AFF4: variants seen among roughly 807,000 people sequenced by gnomAD.
The protein encoded by AFF4 is ALF transcription elongation factor 4.
In AFF4, 13 loss-of-function variants were observed where a neutral mutation model predicts 124.8. That is an observed-to-expected ratio of 0.10 (90% CI 0.07 to 0.17). AFF4 has a LOEUF of 0.17. AFF4 is among the 10% of genes least tolerant of loss of function. AFF4 has a pLI of 1.00. For synonymous variants in AFF4, 477 were observed against 496.1 expected (o/e 0.96, Z 0.51); for missense variants, 1,092 against 1,403.8 (o/e 0.78, Z 3.55).
At chr5:132,943,567 G>T in intron 1 of AFF4, 1 of 180,520 alleles carries the variant, frequency 5.5e-6, no homozygotes, top group East Asian at 1.5e-4. Flanking sequence ...AGTGGAGACT[G>T]GTGTCAGCAT....
intron 17 of AFF4, among the ~76,000 whole-genome samples, 186 bp from the exon 18 acceptor site, chr5:132,886,589 GCTAAGAAGCCTAGGA>G (rs1760125052): frequency 6.6e-6 from 1 of 152,184 alleles, no homozygotes; most frequent in African/African-American, 2.4e-5. Flanking sequence ...GGGGAAGATG[GCTAAGAAGCCTAGGA>G]CTAGGCTCTC....
intron 1 of AFF4, among the ~76,000 whole-genome samples, chr5:132,948,291 C>T (rs1247987713): frequency 2.6e-5 from 4 of 152,104 alleles, no homozygotes; most frequent in Non-Finnish European, 4.4e-5. Context: ...CCTCATGATC[C>T]GCCCACCTCA....
intron 11 of AFF4, among the ~76,000 whole-genome samples, chr5:132,895,519 T>A (rs1030190025): frequency 7.9e-5 from 12 of 152,368 alleles, no homozygotes; most frequent in African/African-American, 2.9e-4. Flanking sequence ...GTTCACCTAC[T>A]CAAGCTTAAC....
At position 132,896,188 on chromosome 5, in the gene AFF4, C is replaced by T. The variant is rs182285484; in HGVS notation, c.2307+135G>A. ...CAAGAGACTGTTCCACATGTAGCCT[C>T]GCCTGGGCCTTGGGTTTACCCACTA... On this transcript the variant is annotated intron_variant, in intron 11 of 20. Coordinates refer to ENST00000265343, the MANE Select transcript of AFF4 (RefSeq NM_014423.4). 4.6e-4 allele frequency: 460 copies of T among 1,008,254 alleles called. 1 individual carries two copies. The highest frequency in any genetic ancestry group is 1.5e-3 in the Admixed American group (53 of 35,870). 62.5% of individuals were successfully genotyped at this position (1,008,254 alleles called of 1,614,324 possible). A position where few individuals can be genotyped will look rare whatever the true frequency, so the allele number is the denominator to read the frequency against.
chr5:132,880,905 G>A lies in AFF4; in HGVS notation c.*154C>T, dbSNP rs546506262. On this transcript the variant is annotated 3_prime_UTR_variant, in exon 21 of 21. Transcript: ENST00000265343. Reference sequence around the variant, plus strand: ...TATTAAAGGGCCAACTGACATGATCGCTTTGGATTATCAAAAACAACAACA... The same window carrying A: ...TATTAAAGGGCCAACTGACATGATCACTTTGGATTATCAAAAACAACAACA... 6 of 884,580 alleles carry A rather than the reference G, an allele frequency of 6.8e-6. No individual in the cohort carries two copies. The highest frequency in any genetic ancestry group is 6.7e-5 in the Admixed American group (2 of 30,002). 54.8% of individuals were successfully genotyped at this position (884,580 alleles called of 1,614,324 possible).
chr5:132,932,102 A>T, intron 4 of AFF4, 76 bp downstream of exon 4: 1 of 993,558 alleles, frequency 1.0e-6, no homozygotes, highest in Non-Finnish European at 1.5e-6. Context: ...TGTGAAATAC[A>T]GGTAGAAAGA....
rs1760411126 is a variant in AFF4 at position 132,896,737 on chromosome 5, C to T, written c.1893G>A (p.Lys631=). ...ATTTCTGGGAAGATTTACTTGTTGACTTATATTTCTTTTTCTCTGCTGTAG... is the reference window on the plus strand; with the variant it reads ...ATTTCTGGGAAGATTTACTTGTTGATTTATATTTCTTTTTCTCTGCTGTAG... The part of the protein sequence containing the change: ...PRPTAEKKKY[K]STSKSSQKSR... Residue 631 remains lysine, a synonymous_variant, in exon 11 of 21, where the codon AAG becomes AAA. Coordinates refer to ENST00000265343, the MANE Select transcript of AFF4 (RefSeq NM_014423.4). 6.2e-7 allele frequency: 1 copy of T among 1,614,136 alleles called. No individual in the cohort carries two copies. Among genetic ancestry groups the T allele is most frequent in the Non-Finnish European group, 8.5e-7 (1 of 1,180,018 alleles).
chr5:132,932,981 T>C (rs532066666), intron 3 of AFF4, among the ~76,000 whole-genome samples: 21 of 152,340 alleles, frequency 1.4e-4, no homozygotes, highest in Non-Finnish European at 1.6e-4. Context: ...TTTTAAATGT[T>C]TGCAAAACAG....
intron 1 of AFF4, chr5:132,944,906 G>A (rs1369174228): frequency 1.3e-5 from 2 of 149,938 alleles, no homozygotes; most frequent in African/African-American, 2.5e-5. Context: ...CTCCAGCCTG[G>A]GCAACAAGAG....
rs543771560 is a variant in AFF4, at chr5:132,941,718, A to G, written c.-4-4525T>C. 9.9e-5 allele frequency among the ~76,000 whole-genome samples: 15 copies of G among 152,052 alleles called. No homozygotes were observed. The South Asian group carries it at 2.9e-3, about 30-fold the overall frequency. On this transcript the variant is annotated intron_variant, in intron 1 of 20. Transcript: ENST00000265343. ...GGGGTTTTTTTTCGCACGCACAAGC[A>G]AGCAATTGGCCAGGCGCGGTGGCTC...
chr5:132,881,271 A>G (rs1581264886), intron 20 of AFF4, 85 bp from the exon 21 acceptor site: 1 of 1,432,212 alleles, frequency 7.0e-7, no homozygotes, highest in Non-Finnish European at 9.4e-7. Context: ...ATAAAACAGC[A>G]TTCATAAACT....
At chr5:132,886,230 T>C in intron 18 of AFF4, 80 bp downstream of exon 18, 1 of 1,223,106 alleles carries the variant, frequency 8.2e-7, no homozygotes, top group East Asian at 2.3e-5. Context: ...TGCATAAACA[T>C]GAGGGCAGTT....
chr5:132,950,470 T>C (rs1761816004), intron 1 of AFF4, among the ~76,000 whole-genome samples: 1 of 147,822 alleles, frequency 6.8e-6, no homozygotes, highest in African/African-American at 2.5e-5. Context: ...CGAAACTCCA[T>C]CTCAATAAAT....
Position 132,879,202 on chromosome 5 carries a change from A to G in AFF4, c.*1857T>C. On this transcript the variant is annotated 3_prime_UTR_variant, in exon 21 of 21. Transcript: ENST00000265343. ...AAAACAGTTAAGAAGCTCTATAAAT[A>G]TGAGGCCACAGGGACAATGAAAGTT... is the stretch of plus-strand genomic sequence containing the variant. The G allele has an allele frequency of 4.6e-6, 1 of 219,614 alleles. No homozygotes were observed. Among genetic ancestry groups the G allele is most frequent in the Non-Finnish European group, 9.1e-6 (1 of 109,382 alleles). 13.6% of individuals were successfully genotyped at this position (219,614 alleles called of 1,614,324 possible). A position where few individuals can be genotyped will look rare whatever the true frequency, so the allele number is the denominator to read the frequency against.
chr5:132,899,075 A>G (rs1264457994), intron 9 of AFF4, 29 bp downstream of exon 9: 1 of 1,606,194 alleles, frequency 6.2e-7, no homozygotes, highest in Non-Finnish European at 8.5e-7. Flanking sequence ...AACTCTTACC[A>G]ATAAAACAGA....
chr5:132,939,666 G>A (rs1273431930), intron 1 of AFF4, among the ~76,000 whole-genome samples: 12 of 152,174 alleles, frequency 7.9e-5, no homozygotes, highest in African/African-American at 2.7e-4. Flanking sequence ...GTTGAAGTGC[G>A]ATGGCACGAT....
intron 1 of AFF4, among the ~76,000 whole-genome samples, chr5:132,959,757 CTTTT>C (rs1163731664): frequency 8.4e-5 from 6 of 71,506 alleles, no homozygotes; most frequent in Admixed American, 4.2e-4. Context: ...GAGTGCTTTT[CTTTT>C]TTTTTTTTTT....
intron 5 of AFF4, among the ~76,000 whole-genome samples, chr5:132,925,868 C>A (rs1357842873): frequency 6.6e-6 from 1 of 152,148 alleles, no homozygotes; most frequent in East Asian, 1.9e-4. Context: ...TATATACTCT[C>A]AACACTCAGC....
At chr5:132,937,926 G>A (rs1761469824) in intron 1 of AFF4, among the ~76,000 whole-genome samples, 1 of 152,064 alleles carries the variant, frequency 6.6e-6, no homozygotes, top group Admixed American at 6.6e-5. Context: ...CTATAATCAG[G>A]ACAGTTTGTC....
Sources: allele counts gnomAD v4.1 joint callset (sites outside exome capture counted in the v4.1 genomes callset), GRCh38; gene constraint gnomAD v4.1.1; transcripts MANE v1.5; gene names NCBI Gene and HGNC (gene_info 2026-07-23, HGNC 2026-07-21).